Variants in FHIP1A observed in about 807,000 individuals in gnomAD.
FHIP1A encodes FHF complex subunit HOOK-interacting protein 1A.
Under a neutral mutation model 88.6 loss-of-function variants are expected in FHIP1A, and 61 were observed. That is an observed-to-expected ratio of 0.69 (90% CI 0.56 to 0.85). The LOEUF (loss-of-function observed/expected upper bound fraction) is 0.85, where lower values mean the gene tolerates loss of function less well. Ranked by LOEUF, FHIP1A falls within the 40% of genes least tolerant of loss-of-function variation. FHIP1A has a pLI of 0.00. For synonymous variants in FHIP1A, 478 were observed against 496.0 expected (o/e 0.96, Z 0.48); for missense variants, 1,154 against 1,273.5 (o/e 0.91, Z 1.43).
intron 1 of FHIP1A, among the ~76,000 whole-genome samples, chr4:151,423,951 C>G (rs1399150358): frequency 6.6e-6 from 1 of 152,186 alleles, no homozygotes; most frequent in Non-Finnish European, 1.5e-5. Flanking sequence ...TTATATAAAT[C>G]TAAACCATAT....
At position 151,465,393 on chromosome 4, in the gene FHIP1A, C is replaced by G. The variant is rs1163182612; in HGVS notation, c.-248+10585C>G. Among the ~76,000 whole-genome samples, 4 of 151,870 alleles carry G rather than the reference C, an allele frequency of 2.6e-5. No homozygotes were observed. The East Asian group carries it at 7.7e-4, about 29-fold the overall frequency. ...AGGCAGTAATTAATAGCCTACCAACCAAAAAAAGCCCAGGATCAGACAGAT... is the reference window on the plus strand; with the variant it reads ...AGGCAGTAATTAATAGCCTACCAACGAAAAAAAGCCCAGGATCAGACAGAT... On this transcript the variant is annotated intron_variant, in intron 2 of 13. Coordinates refer to ENST00000435205, the MANE Select transcript of FHIP1A (RefSeq NM_001109977.3).
chr4:151,644,402 A>T (rs538721063), intron 9 of FHIP1A, among the ~76,000 whole-genome samples: 38 of 152,058 alleles, frequency 2.5e-4, no homozygotes, highest in African/African-American at 9.2e-4. Context: ...CCCAGGCTGG[A>T]GTGCAGTGGT....
At position 151,451,724 on chromosome 4, in the gene FHIP1A, T is replaced by C. The variant is rs73861819; in HGVS notation, c.-355-2977T>C. ...TTTAAAGCTCTATTTCCAGTAAATT[T>C]TTTTCAAATAGTATTTGATGACATT... is the stretch of plus-strand genomic sequence containing the variant. On this transcript the variant is annotated intron_variant, in intron 1 of 13. Coordinates refer to ENST00000435205, the MANE Select transcript of FHIP1A (RefSeq NM_001109977.3). 7.5e-3 allele frequency among the ~76,000 whole-genome samples: 1,149 copies of C among 152,308 alleles called. 11 individuals are homozygous for C. Among genetic ancestry groups the C allele is most frequent in the African/African-American group, 0.027 (1,103 of 41,562 alleles).
intron 7 of FHIP1A, among the ~76,000 whole-genome samples, chr4:151,591,439 ATTCT>A (rs1190744489): frequency 5.3e-5 from 8 of 151,336 alleles, no homozygotes; most frequent in Non-Finnish European, 1.2e-4. Context: ...ATTTTTTTTA[ATTCT>A]TTATTTATTT....
intron 2 of FHIP1A, among the ~76,000 whole-genome samples, chr4:151,463,682 G>A (rs1729212589): frequency 6.6e-6 from 1 of 152,158 alleles, no homozygotes; most frequent in Non-Finnish European, 1.5e-5. Flanking sequence ...TTCCAATTAT[G>A]TGTCACAAAG....
chr4:151,513,943 C>G (rs1344368815), intron 3 of FHIP1A, among the ~76,000 whole-genome samples: 1 of 150,152 alleles, frequency 6.7e-6, no homozygotes, highest in Non-Finnish European at 1.5e-5. Context: ...CAGCTCTGCA[C>G]CAAGCGGACC....
At chr4:151,647,202 T>C (rs1365157318) in intron 10 of FHIP1A, among the ~76,000 whole-genome samples, 1 of 152,216 alleles carries the variant, frequency 6.6e-6, no homozygotes, top group African/African-American at 2.4e-5. Flanking sequence ...CAAAATTGCA[T>C]GCATTTGATT....
intron 7 of FHIP1A, among the ~76,000 whole-genome samples, chr4:151,617,725 A>G (rs1347275537): frequency 6.6e-6 from 1 of 152,070 alleles, no homozygotes; most frequent in Non-Finnish European, 1.5e-5. Flanking sequence ...ATCTCTACTA[A>G]AAATACAAAA....
At chr4:151,602,267 G>A (rs551511257) in intron 7 of FHIP1A, among the ~76,000 whole-genome samples, 1 of 152,194 alleles carries the variant, frequency 6.6e-6, no homozygotes, top group South Asian at 2.1e-4. Flanking sequence ...ATATGCAAAG[G>A]TATTATCATA....
rs1370237300 is a variant in FHIP1A at position 151,471,290 on chromosome 4, T to C, written c.-247-11234T>C. ...GATCTCTCTTGGAATTGTTCCTTTTTTTTTTTTTTAAACTTTAGCGTATTT... is the reference window on the plus strand; with the variant it reads ...GATCTCTCTTGGAATTGTTCCTTTTCTTTTTTTTTAAACTTTAGCGTATTT... On this transcript the variant is annotated intron_variant, in intron 2 of 13. Transcript: ENST00000435205. Among the ~76,000 whole-genome samples, 14 of 150,516 alleles carry C rather than the reference T, an allele frequency of 9.3e-5. No homozygotes were observed. The East Asian group carries it at 2.5e-3, about 27-fold the overall frequency.
Position 151,646,567 on chromosome 4 carries a change from C to T in FHIP1A, c.1236C>T (p.Ile412=). ...CTTTTTGTCATTCTAGGTATCTGAT[C>T]CCCTGCAATCACATGATGCTGAGTC... ...VMLQLVLRYL[I]PCNHMMLSQR... Residue 412 remains isoleucine (I), a synonymous_variant, in exon 10 of 14, where the codon ATC becomes ATT. Coordinates refer to ENST00000435205, the MANE Select transcript of FHIP1A (RefSeq NM_001109977.3). 6.4e-7 allele frequency: 1 copy of T among 1,550,546 alleles called. No homozygotes were observed. Among genetic ancestry groups the T allele is most frequent in the Admixed American group, 2.0e-5 (1 of 51,010 alleles).
At chr4:151,598,705 A>G (rs1182418953) in intron 7 of FHIP1A, among the ~76,000 whole-genome samples, 2 of 152,154 alleles carry the variant, frequency 1.3e-5, no homozygotes, top group Admixed American at 6.5e-5. Context: ...TTTCTGAACC[A>G]GAGATTTCTG....
intron 7 of FHIP1A, among the ~76,000 whole-genome samples, chr4:151,590,518 T>C (rs1216541983): frequency 6.6e-6 from 1 of 152,220 alleles, no homozygotes; most frequent in Non-Finnish European, 1.5e-5. Flanking sequence ...AATCATTACA[T>C]GTGCTATTGC....
chr4:151,442,621 A>G (rs1186320896), intron 1 of FHIP1A, among the ~76,000 whole-genome samples: 1 of 152,118 alleles, frequency 6.6e-6, no homozygotes, highest in Non-Finnish European at 1.5e-5. Context: ...AAAAGAGGCT[A>G]TTTGATTGGC....
chr4:151,496,639 C>T (rs1045997188), intron 3 of FHIP1A, among the ~76,000 whole-genome samples: 3 of 151,412 alleles, frequency 2.0e-5, no homozygotes, highest in African/African-American at 7.3e-5. Context: ...TTCTCCATTC[C>T]CCCGGCTCAA....
intron 8 of FHIP1A, among the ~76,000 whole-genome samples, chr4:151,631,168 A>G (rs1736144207): frequency 6.6e-6 from 1 of 152,164 alleles, no homozygotes; most frequent in African/African-American, 2.4e-5. Context: ...AATGAAATAG[A>G]AAATTAAAAA....
intron 7 of FHIP1A, among the ~76,000 whole-genome samples, chr4:151,624,008 C>A (rs1438834705): frequency 6.6e-6 from 1 of 152,174 alleles, no homozygotes; most frequent in Non-Finnish European, 1.5e-5. Flanking sequence ...TTTCTGTCCC[C>A]AGCACCCAGT....
At chr4:151,410,952 G>C (rs1357598942) in intron 1 of FHIP1A, among the ~76,000 whole-genome samples, 1 of 152,208 alleles carries the variant, frequency 6.6e-6, no homozygotes, top group Non-Finnish European at 1.5e-5. Flanking sequence ...AAACTGTGTA[G>C]GGTGGCTGGA....
In FHIP1A at chr4:151,603,312, G is replaced by GA. The variant is rs112779877; in HGVS notation, c.978+14399dup. ...TGGGCAACAGAGCGAGACTCCGTCT[G>GA]AAAAAAAAAAAAAGAGAGATTGTAA... is the stretch of plus-strand genomic sequence containing the variant. On this transcript the variant is annotated intron_variant, in intron 7 of 13. Transcript: ENST00000435205. Among the ~76,000 whole-genome samples, 1,091 of 132,384 alleles carry GA rather than the reference G, an allele frequency of 8.2e-3. 5 individuals carry two copies. The highest frequency in any genetic ancestry group is 0.016 in the Middle Eastern group (4 of 254). 86.8% of individuals were successfully genotyped at this position (132,384 alleles called of 152,430 possible). A position where few individuals can be genotyped will look rare whatever the true frequency, so the allele number is the denominator to read the frequency against.
Sources: allele counts gnomAD v4.1 joint callset (sites outside exome capture counted in the v4.1 genomes callset), GRCh38; gene constraint gnomAD v4.1.1; transcripts MANE v1.5; gene names NCBI Gene and HGNC (gene_info 2026-07-23, HGNC 2026-07-21).